DHX37: variants seen among roughly 807,000 people sequenced by gnomAD.
The protein encoded by DHX37 is DEAH-box helicase 37, also known as probable ATP-dependent RNA helicase DHX37.
Under a neutral mutation model 134.3 loss-of-function variants are expected in DHX37, and 52 were observed. The ratio of observed to expected loss-of-function variants is 0.39; its 90% confidence interval spans 0.31 to 0.49. DHX37 has a LOEUF of 0.49. Among genes scored for constraint, DHX37 ranks in the 20% least tolerant of loss-of-function variants. The probability of loss-of-function intolerance (pLI) is 0.93; values close to 1 mark genes in which losing one functional copy is unlikely to be tolerated. For missense variants in DHX37, 1,344 were observed against 1,580.8 expected (o/e 0.85, Z 2.54); for synonymous variants, 634 against 670.7 (o/e 0.95, Z 0.85).
intron 1 of DHX37, 151 bp from the exon 2 acceptor site, chr12:124,986,416 A>G (rs1954873802): frequency 1.1e-6 from 1 of 911,570 alleles, no homozygotes; most frequent in Admixed American, 2.4e-5. Context: ...TAACAATACT[A>G]TGATGTTCTC....
intron 15 of DHX37, among the ~76,000 whole-genome samples, chr12:124,961,197 C>CACTT (rs1566332023): frequency 9.2e-5 from 10 of 108,792 alleles, no homozygotes; most frequent in African/African-American, 2.4e-4. Context: ...CGCACACACA[C>CACTT]ACATACACGT....
At chr12:124,953,839 T>C (rs767853371) in intron 20 of DHX37, 41 bp downstream of exon 20, 1 of 1,601,164 alleles carries the variant, frequency 6.2e-7, no homozygotes. Flanking sequence ...CCAGGTCAGG[T>C]TGCCCGCCGG....
Position 124,956,721 on chromosome 12 carries a change from G to A in DHX37, c.2423C>T (p.Thr808Met), listed in dbSNP as rs773731836. 8.8e-6 allele frequency: 14 copies of A among 1,590,998 alleles called. No individual in the cohort carries two copies. Among genetic ancestry groups the A allele is most frequent in the African/African-American group, 4.1e-5 (3 of 74,048 alleles). Residue 808 changes from threonine (T) to methionine (M), a missense_variant, in exon 18 of 27, where the codon ACG becomes ATG. Around this residue, in one of 7 missense-constraint regions of DHX37, gnomAD observed 558 missense variants for 650.0 expected, o/e 0.86. Transcript: ENST00000308736. ...PYAITIVASMTVRELFEELDR... is the reference protein window; with the variant it reads ...PYAITIVASMMVRELFEELDR... ...CAGCTCCTCAAACAGCTCCCGCACC[G>A]TCATGCTGGCCACGATGGTGATGGC...
intron 12 of DHX37, among the ~76,000 whole-genome samples, chr12:124,966,082 C>G (rs1321769118): frequency 6.6e-6 from 1 of 152,224 alleles, no homozygotes; most frequent in African/African-American, 2.4e-5. Flanking sequence ...ATCGGTAGTG[C>G]AACAGGCAAG....
rs1246634036 is a variant in DHX37, at chr12:124,980,248, C to T, written c.738+242G>A. On this transcript the variant is annotated intron_variant, in intron 4 of 26. Coordinates refer to ENST00000308736, the MANE Select transcript of DHX37 (RefSeq NM_032656.4). The surrounding 1 kb of genome is among the most constrained non-coding windows in gnomAD (Gnocchi z 5.3). ...AGGGCAGTGGCGATGAAGCTACTGC[C>T]GCCGACCTCCAGGGCCCCGAGCCTG... Among the ~76,000 whole-genome samples the T allele has an allele frequency of 6.6e-6, 1 of 152,228 alleles. No homozygotes were observed. The highest frequency in any genetic ancestry group is 6.5e-5 in the Admixed American group (1 of 15,290).
intron 8 of DHX37, 131 bp from the exon 9 acceptor site, chr12:124,969,099 C>A: frequency 1.2e-6 from 1 of 842,024 alleles, no homozygotes; most frequent in Non-Finnish European, 1.9e-6. Context: ...TTCTGGATGC[C>A]AAAGGCTCCT....
chr12:124,959,991 A>G (rs1267969783), intron 16 of DHX37, among the ~76,000 whole-genome samples: 2 of 152,146 alleles, frequency 1.3e-5, no homozygotes, highest in Admixed American at 1.3e-4. Flanking sequence ...CCACTGGAGG[A>G]CTGGGTCGGA....
chr12:124,989,095 C>G lies in DHX37; in HGVS notation c.-73G>C, dbSNP rs746110011. ...ATCCGAAACCCAGCCCACGTGGGTT[C>G]CCAGACCACCAACTCCGGCCGTGAG... is the stretch of plus-strand genomic sequence containing the variant. On this transcript the variant is annotated 5_prime_UTR_variant, in exon 1 of 27. Coordinates refer to ENST00000308736, the MANE Select transcript of DHX37 (RefSeq NM_032656.4). The G allele has an allele frequency of 7.7e-5, 77 of 1,006,368 alleles. No homozygotes were observed. The highest frequency in any genetic ancestry group is 5.9e-4 in the Middle Eastern group (2 of 3,396). 62.3% of individuals were successfully genotyped at this position (1,006,368 alleles called of 1,614,324 possible).
rs1285135119 is a variant in DHX37, at chr12:124,965,749, T to C, written c.1654A>G (p.Arg552Gly). 4 of 1,613,998 alleles carry C rather than the reference T, an allele frequency of 2.5e-6. No homozygotes were observed. The highest frequency in any genetic ancestry group is 1.7e-4 in the Middle Eastern group (1 of 6,058). The part of the protein sequence containing the change: ...VLPAGEGDED[R>G]EAEVDEEEGA... ...TCTTCCTCATCCACTTCTGCCTCCC[T>C]GTCCTCATCGCCTTCGCCTGCCGGT... is the stretch of plus-strand genomic sequence containing the variant. The change falls in exon 13 of 27, where the codon AGG becomes GGG. Residue 552 changes from arginine (R) to glycine (G), a missense_variant. Physicochemically the swap from Arg to Gly is moderately radical, Grantham distance 125 (BLOSUM62 -2). Around this residue, in one of 7 missense-constraint regions of DHX37, gnomAD observed 289 missense variants for 323.8 expected, o/e 0.89. Transcript: ENST00000308736.
At chr12:124,969,094 G>C (rs1442032359) in intron 8 of DHX37, 126 bp from the exon 9 acceptor site, 3 of 874,962 alleles carry the variant, frequency 3.4e-6, no homozygotes, top group Non-Finnish European at 5.3e-6. Flanking sequence ...CCCCTTTCTG[G>C]ATGCCAAAGG....
At position 124,980,854 on chromosome 12, in the gene DHX37, A is replaced by G; in HGVS notation, c.390-16T>C. ...GTCAGCCTTCCTGTTGAGATAGCAG[A>G]GACTTCAGGCACAGAGGCCCCACCT... On this transcript the variant is annotated splice_polypyrimidine_tract_variant and intron_variant, in intron 3 of 26. Coordinates refer to ENST00000308736, the MANE Select transcript of DHX37 (RefSeq NM_032656.4). The surrounding 1 kb of genome is among the most constrained non-coding windows in gnomAD (Gnocchi z 5.3). The G allele has an allele frequency of 6.5e-7, 1 of 1,544,564 alleles. No individual in the cohort carries two copies. The highest frequency in any genetic ancestry group is 1.2e-5 in the South Asian group (1 of 84,716).
chr12:124,950,333 G>C, intron 23 of DHX37, 80 bp downstream of exon 23: 3 of 1,602,310 alleles, frequency 1.9e-6, no homozygotes, highest in Non-Finnish European at 2.6e-6. Flanking sequence ...ACACGTCCGG[G>C]GGCAGGGGAC....
At chr12:124,973,045 G>A (rs61942954) in intron 6 of DHX37, among the ~76,000 whole-genome samples, 33,564 of 152,146 alleles carry the variant, frequency 0.22, 4,336 homozygotes, top group Non-Finnish European at 0.3. Flanking sequence ...AGGAGGCTGA[G>A]GTGGGAGAAT....
In DHX37 at chr12:124,973,651, T is replaced by A. The variant is rs1311966956; in HGVS notation, c.981-1052A>T. ...CCCCCCCCAACGCTTTTTTTTTTTT[T>A]TTTTTTTGAGATGGAGTCTCACTCT... On this transcript the variant is annotated intron_variant, in intron 6 of 26. Coordinates refer to ENST00000308736, the MANE Select transcript of DHX37 (RefSeq NM_032656.4). Among the ~76,000 whole-genome samples, 300 of 146,508 alleles carry A rather than the reference T, an allele frequency of 2.0e-3. 3 individuals carry two copies. The highest frequency in any genetic ancestry group is 7.3e-3 in the African/African-American group (289 of 39,750).
In DHX37 at chr12:124,949,798, G is replaced by A. The variant is rs184554250; in HGVS notation, c.3290+188C>T. ...TGGCCACAAGCCCAGGAGGCCGACA[G>A]AGGCAAGACGGACCCTCCCCGAGAG... On this transcript the variant is annotated intron_variant, in intron 25 of 26. Coordinates refer to ENST00000308736, the MANE Select transcript of DHX37 (RefSeq NM_032656.4). The surrounding 1 kb of genome is among the most constrained non-coding windows in gnomAD (Gnocchi z 4.0). Among the ~76,000 whole-genome samples the A allele has an allele frequency of 2.3e-4, 35 of 152,320 alleles. No homozygotes were observed. The East Asian group carries it at 6.2e-3, about 27-fold the overall frequency.
Position 124,980,914 on chromosome 12 carries a change from C to T in DHX37, c.390-76G>A. 6.8e-7 allele frequency: 1 copy of T among 1,479,852 alleles called. No individual in the cohort carries two copies. The allele number at this position is 1,479,852 out of a possible 1,614,324, so 91.7% of individuals were successfully genotyped here. A position where few individuals can be genotyped will look rare whatever the true frequency, so the allele number is the denominator to read the frequency against. Reference sequence around the variant, plus strand: ...AGGTCAGGACTCCAAGGCCATACCCCTTTCTGCCTCAGGGACTTTGCACCT... The same window carrying T: ...AGGTCAGGACTCCAAGGCCATACCCTTTTCTGCCTCAGGGACTTTGCACCT... On this transcript the variant is annotated intron_variant, in intron 3 of 26. Coordinates refer to ENST00000308736, the MANE Select transcript of DHX37 (RefSeq NM_032656.4). This position sits in a 1 kb window ranked among gnomAD's most constrained non-coding sequence, Gnocchi z 5.3.
intron 1 of DHX37, among the ~76,000 whole-genome samples, chr12:124,988,689 T>C (rs1036267764): frequency 1.3e-5 from 2 of 151,984 alleles, no homozygotes; most frequent in Non-Finnish European, 2.9e-5. Flanking sequence ...AAATTCTCCA[T>C]GTTACTATTT....
chr12:124,961,230 A>ACACACATACACGCGTGCACGCACG (rs1954244648), intron 15 of DHX37, among the ~76,000 whole-genome samples: 8 of 111,770 alleles, frequency 7.2e-5, no homozygotes, highest in African/African-American at 2.6e-4. Flanking sequence ...ACACGCACGC[A>ACACACATACACGCGTGCACGCACG]CACACACATA....
chr12:124,952,115 C>G (rs1953987330), intron 21 of DHX37, among the ~76,000 whole-genome samples: 1 of 152,168 alleles, frequency 6.6e-6, no homozygotes, highest in Non-Finnish European at 1.5e-5. Flanking sequence ...CCACTGCACT[C>G]TATCCTGGGC....
Sources: gnomAD v4.1 joint callset for allele counts (sites outside exome capture counted in the v4.1 genomes callset) on GRCh38, gnomAD v4.1.1 for gene constraint, gnomAD v4.1.1 regional missense constraint, Gnocchi (gnomAD v3.1) non-coding constraint, MANE v1.5 for transcripts, NCBI Gene and HGNC (gene_info 2026-07-23, HGNC 2026-07-21) for gene names.